Variants in CDH12 observed in about 807,000 individuals in gnomAD.
CDH12 encodes the protein cadherin-12.
In CDH12, 41 loss-of-function variants were observed where a neutral mutation model predicts 74.1. The observed-to-expected ratio is 0.55, with a 90% CI of 0.43 to 0.72. The LOEUF (loss-of-function observed/expected upper bound fraction) is 0.72, where lower values mean the gene tolerates loss of function less well. Among genes scored for constraint, CDH12 ranks in the 30% least tolerant of loss-of-function variants. The probability of loss-of-function intolerance (pLI) is 0.00; values close to 1 mark genes in which losing one functional copy is unlikely to be tolerated. For missense variants in CDH12, 945 were observed against 977.2 expected (o/e 0.97, Z 0.44); for synonymous variants, 399 against 355.0 (o/e 1.12, Z -1.39).
intron 2 of CDH12, among the ~76,000 whole-genome samples, chr5:22,472,522 G>T (rs534824499): frequency 6.6e-6 from 1 of 152,204 alleles, no homozygotes; most frequent in Non-Finnish European, 1.5e-5. Context: ...TGCTAGACGT[G>T]TTAAGCTGGA....
At chr5:22,756,970 A>C (rs1389723801) in intron 1 of CDH12, among the ~76,000 whole-genome samples, 1 of 152,154 alleles carries the variant, frequency 6.6e-6, no homozygotes. Context: ...AAAAAAAAAA[A>C]AAATTAATTG....
chr5:22,801,882 G>T (rs1184671697), intron 1 of CDH12, among the ~76,000 whole-genome samples: 2 of 150,970 alleles, frequency 1.3e-5, no homozygotes, highest in African/African-American at 4.9e-5. Flanking sequence ...CTAAAAAATT[G>T]TTATTCATTT....
At chr5:22,816,003 G>A (rs1459063942) in intron 1 of CDH12, among the ~76,000 whole-genome samples, 1 of 152,056 alleles carries the variant, frequency 6.6e-6, no homozygotes. Flanking sequence ...TGTGGCTAGA[G>A]CTTAGGGCAG....
intron 1 of CDH12, among the ~76,000 whole-genome samples, chr5:22,825,798 C>T (rs1056678182): frequency 4.6e-5 from 7 of 152,094 alleles, no homozygotes; most frequent in African/African-American, 1.2e-4. Context: ...GAAGATCAAA[C>T]TAGGAGTTGT....
chr5:22,315,765 C>A (rs1211671201), intron 3 of CDH12, among the ~76,000 whole-genome samples: 1 of 152,040 alleles, frequency 6.6e-6, no homozygotes, highest in Non-Finnish European at 1.5e-5. Flanking sequence ...ATGAAGGTTT[C>A]AAGATGGAAG....
chr5:22,130,083 A>G (rs1746100257), intron 4 of CDH12, among the ~76,000 whole-genome samples: 1 of 151,154 alleles, frequency 6.6e-6, no homozygotes, highest in African/African-American at 2.4e-5. Flanking sequence ...AAATTGAGAT[A>G]CCATATTTTG....
At chr5:22,258,622 T>C (rs1042822800) in intron 3 of CDH12, among the ~76,000 whole-genome samples, 4 of 152,184 alleles carry the variant, frequency 2.6e-5, no homozygotes, top group African/African-American at 9.7e-5. Context: ...CAGCTTTCAG[T>C]TCTGCAGGCT....
At chr5:22,027,197 G>A (rs1261303134) in intron 5 of CDH12, among the ~76,000 whole-genome samples, 3 of 152,064 alleles carry the variant, frequency 2.0e-5, no homozygotes, top group Non-Finnish European at 4.4e-5. Context: ...TTTTTGATGT[G>A]CTGCTGGATT....
chr5:22,175,246 T>C (rs900185450), intron 4 of CDH12, among the ~76,000 whole-genome samples: 3 of 151,960 alleles, frequency 2.0e-5, no homozygotes, highest in East Asian at 1.9e-4. Context: ...TTACACATTG[T>C]GTGTAATAGC....
chr5:22,789,841 A>T (rs1390009766), intron 1 of CDH12, among the ~76,000 whole-genome samples: 1 of 151,816 alleles, frequency 6.6e-6, no homozygotes. Flanking sequence ...ATAGTTATAT[A>T]TTTATTTGTA....
At chr5:22,557,722 T>C (rs1187439398) in intron 1 of CDH12, among the ~76,000 whole-genome samples, 1 of 152,026 alleles carries the variant, frequency 6.6e-6, no homozygotes, top group African/African-American at 2.4e-5. Flanking sequence ...AATATGTGTT[T>C]TCAAGAATTA....
intron 3 of CDH12, among the ~76,000 whole-genome samples, chr5:22,329,611 G>T (rs2150444300): frequency 6.6e-6 from 1 of 152,308 alleles, no homozygotes; most frequent in Non-Finnish European, 1.5e-5. Flanking sequence ...AAGAGTCATT[G>T]AAAAGAGTAA....
chr5:22,493,074 C>T (rs994504520), intron 2 of CDH12, among the ~76,000 whole-genome samples: 5 of 152,148 alleles, frequency 3.3e-5, no homozygotes, highest in Admixed American at 2.6e-4. Context: ...CTGGGTGTCC[C>T]CTCTACTCGT....
chr5:22,177,572 C>T (rs1749409498), intron 4 of CDH12, among the ~76,000 whole-genome samples: 1 of 152,294 alleles, frequency 6.6e-6, no homozygotes, highest in East Asian at 1.9e-4. Context: ...TCTATTGGAT[C>T]TCTATATAGC....
intron 1 of CDH12, among the ~76,000 whole-genome samples, chr5:22,802,372 A>G (rs1409025102): frequency 2.0e-5 from 3 of 152,040 alleles, no homozygotes; most frequent in South Asian, 2.1e-4. Flanking sequence ...CGCCCGCCTC[A>G]GCCTCCCAAA....
chr5:22,757,175 A>T (rs931521393), intron 1 of CDH12, among the ~76,000 whole-genome samples: 7 of 152,108 alleles, frequency 4.6e-5, no homozygotes, highest in Non-Finnish European at 1.0e-4. Context: ...CTTCCTGTAG[A>T]TGTAGATAAA....
chr5:22,202,221 A>T (rs1580394979), intron 4 of CDH12, among the ~76,000 whole-genome samples: 3 of 116,804 alleles, frequency 2.6e-5, no homozygotes, highest in Admixed American at 1.0e-4. Context: ...TATAGTTACT[A>T]CCTCTGTGAC....
intron 1 of CDH12, among the ~76,000 whole-genome samples, chr5:22,746,131 T>C (rs758837906): frequency 1.5e-4 from 23 of 152,186 alleles, no homozygotes; most frequent in Non-Finnish European, 2.1e-4. Context: ...CAAAGTATTA[T>C]TAGTATGGGC....
chr5:22,605,740 G>A (rs1398881283), intron 1 of CDH12, among the ~76,000 whole-genome samples: 1 of 152,234 alleles, frequency 6.6e-6, no homozygotes, highest in African/African-American at 2.4e-5. Flanking sequence ...CAGCCCATAG[G>A]CTGCTAGCTA....
Sources: allele counts gnomAD v4.1 joint callset (sites outside exome capture counted in the v4.1 genomes callset), GRCh38; gene constraint gnomAD v4.1.1; transcripts MANE v1.5; gene names NCBI Gene and HGNC (gene_info 2026-07-23, HGNC 2026-07-21).